STAG1: variants seen among roughly 807,000 people sequenced by gnomAD.
STAG1 encodes the protein cohesin subunit SA-1.
In STAG1, 26 loss-of-function variants were observed where a neutral mutation model predicts 170.9. The observed-to-expected ratio is 0.15, with a 90% CI of 0.11 to 0.21. STAG1 has a LOEUF of 0.21. Among genes scored for constraint, STAG1 ranks in the 10% least tolerant of loss-of-function variants. The pLI is 1.00. For synonymous variants in STAG1, 514 were observed against 497.7 expected (o/e 1.03, Z -0.44); for missense variants, 964 against 1,509.5 (o/e 0.64, Z 5.99).
chr3:136,721,696 G>A (rs962233299), intron 1 of STAG1, among the ~76,000 whole-genome samples: 2 of 152,000 alleles, frequency 1.3e-5, no homozygotes, highest in Non-Finnish European at 1.5e-5. Flanking sequence ...AGGCCGAAGT[G>A]GGTGAATCAC....
At chr3:136,557,253 A>G (rs1936659669) in intron 5 of STAG1, among the ~76,000 whole-genome samples, 1 of 152,080 alleles carries the variant, frequency 6.6e-6, no homozygotes, top group Admixed American at 6.5e-5. Context: ...AAGAAAAGAA[A>G]AGAAAGTTAG....
At chr3:136,342,278 C>CA in intron 30 of STAG1, among the ~76,000 whole-genome samples, 1 of 152,116 alleles carries the variant, frequency 6.6e-6, no homozygotes. Flanking sequence ...CTCGGCCTCC[C>CA]AAAGTGCTGG....
At chr3:136,523,841 T>C (rs1934832641) in intron 6 of STAG1, among the ~76,000 whole-genome samples, 1 of 152,216 alleles carries the variant, frequency 6.6e-6, no homozygotes, top group Non-Finnish European at 1.5e-5. Context: ...GCACCATTCA[T>C]TAAATAGGGA....
chr3:136,556,427 A>G (rs939314366), intron 5 of STAG1, among the ~76,000 whole-genome samples: 8 of 152,220 alleles, frequency 5.3e-5, no homozygotes, highest in African/African-American at 1.2e-4. Flanking sequence ...TAAATGTCCT[A>G]CAATGAAAGA....
chr3:136,408,484 T>TG (rs1175099762), intron 21 of STAG1, among the ~76,000 whole-genome samples: 1 of 123,562 alleles, frequency 8.1e-6, no homozygotes, highest in Non-Finnish European at 1.8e-5. Flanking sequence ...AAAGTTACTG[T>TG]GTTTTTTTTT....
At chr3:136,485,668 A>G (rs925855602) in intron 9 of STAG1, among the ~76,000 whole-genome samples, 2 of 152,198 alleles carry the variant, frequency 1.3e-5, no homozygotes, top group African/African-American at 4.8e-5. Context: ...TACGTCTGAT[A>G]CATCTCCCTT....
chr3:136,484,906 G>A (rs1366379865), intron 9 of STAG1, among the ~76,000 whole-genome samples: 2 of 152,064 alleles, frequency 1.3e-5, no homozygotes, highest in African/African-American at 4.8e-5. Flanking sequence ...GCGCTTCCCA[G>A]GTGAGGCAAT....
At chr3:136,401,974 C>T (rs556809139) in intron 21 of STAG1, among the ~76,000 whole-genome samples, 3 of 151,548 alleles carry the variant, frequency 2.0e-5, no homozygotes, top group African/African-American at 7.3e-5. Flanking sequence ...TAACTCCTGA[C>T]CTCAGGTGAT....
intron 21 of STAG1, among the ~76,000 whole-genome samples, chr3:136,403,685 G>C (rs2087401692): frequency 6.6e-6 from 1 of 152,114 alleles, no homozygotes; most frequent in Non-Finnish European, 1.5e-5. Context: ...TTTTGGTTAT[G>C]TCATTGTCCT....
chr3:136,604,622 A>G (rs754613652), intron 3 of STAG1, 149 bp from the exon 4 acceptor site: 33 of 673,356 alleles, frequency 4.9e-5, no homozygotes, highest in East Asian at 3.9e-4. Flanking sequence ...AGAGCAAAAC[A>G]TAAGTTTATA....
Position 136,689,006 on chromosome 3 carries a change from A to C in STAG1, c.-83-58025T>G, listed in dbSNP as rs1176723736. Reference sequence around the variant, plus strand: ...ATAAGCACAATGAAAATCCTGTAAAATTTGCCAAATTAAATGTACCTGTTT... The same window carrying C: ...ATAAGCACAATGAAAATCCTGTAAACTTTGCCAAATTAAATGTACCTGTTT... On this transcript the variant is annotated intron_variant, in intron 1 of 33. Transcript: ENST00000383202. Among the ~76,000 whole-genome samples the C allele has an allele frequency of 3.9e-5, 6 of 152,342 alleles. No homozygotes were observed. In the East Asian group the frequency reaches 1.2e-3, roughly 29 times the overall value.
intron 1 of STAG1, among the ~76,000 whole-genome samples, chr3:136,727,963 G>T (rs1375294274): frequency 6.6e-6 from 1 of 151,962 alleles, no homozygotes; most frequent in Admixed American, 6.6e-5. Context: ...TTTGAGACCA[G>T]CCTGGCCAAC....
chr3:136,751,730 G>A (rs1320992132), intron 1 of STAG1, among the ~76,000 whole-genome samples: 2 of 151,884 alleles, frequency 1.3e-5, no homozygotes, highest in African/African-American at 4.8e-5. Flanking sequence ...AACGCAGGTC[G>A]GCAGGCGGCG....
chr3:136,650,074 A>C (rs1393406451), intron 1 of STAG1, among the ~76,000 whole-genome samples: 5 of 152,056 alleles, frequency 3.3e-5, no homozygotes, highest in Admixed American at 2.6e-4. Flanking sequence ...GCCAAAAAAA[A>C]ATTTTTGTAA....
chr3:136,399,152 T>C (rs1276625086), intron 21 of STAG1, among the ~76,000 whole-genome samples: 1 of 152,182 alleles, frequency 6.6e-6, no homozygotes, highest in East Asian at 1.9e-4. Flanking sequence ...TTTATCCAAA[T>C]TTTATAGTTG....
chr3:136,550,508 C>T (rs959942633), intron 5 of STAG1, among the ~76,000 whole-genome samples: 14 of 152,042 alleles, frequency 9.2e-5, no homozygotes, highest in African/African-American at 2.4e-4. Context: ...AGGGTTTCAC[C>T]GTGTTAGCCA....
rs116116402 is a variant in STAG1 at position 136,553,870 on chromosome 3, C to T, written c.395-11675G>A. Reference sequence around the variant, plus strand: ...AAGAAGAGAAAAAGAAAACATAGAACAGGAGGGGCAAAGAACAACCACTGG... The same window carrying T: ...AAGAAGAGAAAAAGAAAACATAGAATAGGAGGGGCAAAGAACAACCACTGG... On this transcript the variant is annotated intron_variant, in intron 5 of 33. Transcript: ENST00000383202. Among the ~76,000 whole-genome samples the T allele has an allele frequency of 8.3e-3, 1,270 of 152,136 alleles. 22 individuals are homozygous for T. Among genetic ancestry groups the T allele is most frequent in the African/African-American group, 0.029 (1,204 of 41,492 alleles).
intron 7 of STAG1, among the ~76,000 whole-genome samples, chr3:136,520,576 C>T (rs565930030): frequency 4.5e-4 from 69 of 151,994 alleles, no homozygotes; most frequent in African/African-American, 1.7e-3. Flanking sequence ...AAAATTACCT[C>T]GTTACTGAAA....
chr3:136,652,227 A>C (rs1941242705), intron 1 of STAG1, among the ~76,000 whole-genome samples: 1 of 152,228 alleles, frequency 6.6e-6, no homozygotes, highest in Non-Finnish European at 1.5e-5. Flanking sequence ...GAGGAGGAAA[A>C]ATTGTTAAAA....
Sources: allele counts gnomAD v4.1 joint callset (sites outside exome capture counted in the v4.1 genomes callset), GRCh38; gene constraint gnomAD v4.1.1; transcripts MANE v1.5; gene names NCBI Gene and HGNC (gene_info 2026-07-23, HGNC 2026-07-21).